GPATCH8: variants seen among roughly 807,000 people sequenced by gnomAD.
The protein encoded by GPATCH8 is G patch domain-containing protein 8.
GPATCH8 carries 18 observed loss-of-function variants against 118.3 expected under a neutral mutation model. The observed-to-expected ratio is 0.15, with a 90% CI of 0.11 to 0.23. GPATCH8 has a LOEUF of 0.23. GPATCH8 is among the 10% of genes least tolerant of loss of function. The pLI, the probability that GPATCH8 is intolerant of heterozygous loss-of-function variation, is 1.00. For missense variants in GPATCH8, 1,631 were observed against 1,873.8 expected, an observed-to-expected ratio of 0.87 and a Z score of 2.39; for synonymous variants, 659 against 684.7, an observed-to-expected ratio of 0.96 and a Z score of 0.59.
intron 3 of GPATCH8, among the ~76,000 whole-genome samples, chr17:44,446,191 C>T (rs114276485): frequency 0.012 from 1,852 of 152,126 alleles, 33 homozygotes; most frequent in African/African-American, 0.037. Flanking sequence ...CTCGAGTTAT[C>T]CTTCTGCCTC....
chr17:44,435,253 A>C, intron 4 of GPATCH8, 102 bp from the exon 5 acceptor site: 1 of 701,634 alleles, frequency 1.4e-6, no homozygotes, highest in East Asian at 2.6e-5. Flanking sequence ...GAAAACAAAA[A>C]AAAATTGTAA....
intron 6 of GPATCH8, among the ~76,000 whole-genome samples, chr17:44,412,717 T>G (rs2143776123): frequency 6.6e-6 from 1 of 152,304 alleles, no homozygotes; most frequent in East Asian, 1.9e-4. Flanking sequence ...AAAAAAGATG[T>G]GTTGTATCTC....
chr17:44,496,070 TG>T (rs1969649304), intron 1 of GPATCH8, among the ~76,000 whole-genome samples: 1 of 152,182 alleles, frequency 6.6e-6, no homozygotes, highest in African/African-American at 2.4e-5. Context: ...GTTTTCACCA[TG>T]TTGGCCAGGC....
At chr17:44,479,685 A>T (rs1968055816) in intron 1 of GPATCH8, among the ~76,000 whole-genome samples, 1 of 152,200 alleles carries the variant, frequency 6.6e-6, no homozygotes, top group Non-Finnish European at 1.5e-5. Context: ...TAAAAAATTG[A>T]TGGCTGGGCA....
intron 6 of GPATCH8, among the ~76,000 whole-genome samples, chr17:44,420,226 GTACTC>G (rs1203349465): frequency 6.6e-6 from 1 of 151,918 alleles, no homozygotes; most frequent in Admixed American, 6.6e-5. Context: ...TATTTTGATG[GTACTC>G]TAAAGAAGAG....
At chr17:44,502,217 A>G (rs150525346) in intron 1 of GPATCH8, among the ~76,000 whole-genome samples, 75 of 152,278 alleles carry the variant, frequency 4.9e-4, no homozygotes, top group African/African-American at 1.6e-3. Context: ...AGGGAATTCA[A>G]ACTCTTTAAA....
At chr17:44,427,081 A>T (rs2050117000) in intron 5 of GPATCH8, among the ~76,000 whole-genome samples, 1 of 146,340 alleles carries the variant, frequency 6.8e-6, no homozygotes, top group African/African-American at 2.5e-5. Flanking sequence ...TAATATTACT[A>T]TTTTTTTTTT....
intron 6 of GPATCH8, among the ~76,000 whole-genome samples, chr17:44,416,318 G>C (rs1052320827): frequency 1.1e-5 from 1 of 94,604 alleles, no homozygotes; most frequent in African/African-American, 4.1e-5. Flanking sequence ...GCCTTCAGCA[G>C]ATTTTTTTTT....
At chr17:44,417,029 G>T (rs981780408) in intron 6 of GPATCH8, among the ~76,000 whole-genome samples, 1 of 152,014 alleles carries the variant, frequency 6.6e-6, no homozygotes, top group Non-Finnish European at 1.5e-5. Context: ...TACAGTTAAA[G>T]GAATTTTTTT....
At chr17:44,405,209 CTTTTTTT>C (rs542901574) in intron 7 of GPATCH8, among the ~76,000 whole-genome samples, 3 of 138,032 alleles carry the variant, frequency 2.2e-5, no homozygotes, top group African/African-American at 5.3e-5. Flanking sequence ...GTTTATAATT[CTTTTTTT>C]TTTTTTTTTG....
chr17:44,445,855 TAA>T (rs2144126184), intron 3 of GPATCH8: 1 of 152,250 alleles, frequency 6.6e-6, no homozygotes, highest in African/African-American at 2.4e-5. Context: ...AATATACTTG[TAA>T]AGAGTGGCAA....
intron 3 of GPATCH8, among the ~76,000 whole-genome samples, chr17:44,452,275 A>AT: frequency 6.7e-6 from 1 of 149,166 alleles, no homozygotes; most frequent in South Asian, 2.1e-4. Flanking sequence ...TCCGTCTCAA[A>AT]AAAAAAAAAA....
At chr17:44,449,873 T>C (rs1003263215) in intron 3 of GPATCH8, among the ~76,000 whole-genome samples, 1 of 152,242 alleles carries the variant, frequency 6.6e-6, no homozygotes, top group Non-Finnish European at 1.5e-5. Flanking sequence ...AGACTAATAA[T>C]GGAAAAAGCA....
intron 6 of GPATCH8, among the ~76,000 whole-genome samples, chr17:44,420,937 G>A (rs1051579660): frequency 2.6e-5 from 4 of 151,638 alleles, no homozygotes; most frequent in Non-Finnish European, 4.4e-5. Flanking sequence ...TTGGCTCACT[G>A]CAACCTCCAC....
intron 6 of GPATCH8, among the ~76,000 whole-genome samples, chr17:44,417,466 G>A (rs59792706): frequency 0.011 from 1,651 of 152,174 alleles, 26 homozygotes; most frequent in African/African-American, 0.038. Flanking sequence ...TGATCTGCCC[G>A]CCTGAGTCTC....
In GPATCH8 at chr17:44,396,910, GA is replaced by G. The variant is rs1389362965; in HGVS notation, c.*657del. ...ATAGGATCTTCTTTTCTGGGATATG[GA>G]GATGCCTCTTCTGGGATGAGGGATA... On this transcript the variant is annotated 3_prime_UTR_variant, in exon 8 of 8. Coordinates refer to ENST00000591680, the MANE Select transcript of GPATCH8 (RefSeq NM_001002909.4). 2.2e-6 allele frequency: 1 copy of G among 454,148 alleles called. No individual in the cohort carries two copies. The highest frequency in any genetic ancestry group is 4.4e-6 in the Non-Finnish European group (1 of 226,786). The allele number at this position is 454,148 out of a possible 1,614,324, so 28.1% of individuals were successfully genotyped here.
chr17:44,489,681 G>A (rs1157481787), intron 1 of GPATCH8, among the ~76,000 whole-genome samples: 2 of 151,850 alleles, frequency 1.3e-5, no homozygotes, highest in Non-Finnish European at 2.9e-5. Flanking sequence ...AAAACAAAAA[G>A]AGGAAGGAGG....
At chr17:44,496,118 C>G (rs1169816460) in intron 1 of GPATCH8, among the ~76,000 whole-genome samples, 1 of 152,178 alleles carries the variant, frequency 6.6e-6, no homozygotes, top group African/African-American at 2.4e-5. Context: ...ATCCACCTGC[C>G]CTCAGCCTCC....
intron 3 of GPATCH8, among the ~76,000 whole-genome samples, chr17:44,444,449 C>T (rs886829474): frequency 6.7e-6 from 1 of 150,118 alleles, no homozygotes; most frequent in Non-Finnish European, 1.5e-5. Flanking sequence ...TGAGGAGATA[C>T]GGAAAAAAAC....
Sources: allele counts gnomAD v4.1 joint callset (sites outside exome capture counted in the v4.1 genomes callset), GRCh38; gene constraint gnomAD v4.1.1; transcripts MANE v1.5; gene names NCBI Gene and HGNC (gene_info 2026-07-23, HGNC 2026-07-21).